Variants in SYT9 observed in about 807,000 individuals in gnomAD.
The protein encoded by SYT9 is synaptotagmin-9.
SYT9 carries 22 observed loss-of-function variants against 48.4 expected under a neutral mutation model. That is an observed-to-expected ratio of 0.45 (90% confidence interval 0.32 to 0.65). The LOEUF (loss-of-function observed/expected upper bound fraction) is 0.65. Among genes scored for constraint, SYT9 ranks in the 30% least tolerant of loss-of-function variants. The pLI is 0.03. For missense variants in SYT9, 577 were observed against 622.0 expected, an observed-to-expected ratio of 0.93 and a Z score of 0.77; for synonymous variants, 265 against 245.0, an observed-to-expected ratio of 1.08 and a Z score of -0.76.
intron 1 of SYT9, among the ~76,000 whole-genome samples, chr11:7,253,962 C>T (rs1328520410): frequency 6.6e-6 from 1 of 152,188 alleles, no homozygotes; most frequent in Non-Finnish European, 1.5e-5. Context: ...CCCACATAAG[C>T]AGTTGTCTTT....
At chr11:7,274,757 CT>C (rs1243216854) in intron 1 of SYT9, among the ~76,000 whole-genome samples, 1 of 152,170 alleles carries the variant, frequency 6.6e-6, no homozygotes, top group African/African-American at 2.4e-5. Context: ...TCAGCTTGAA[CT>C]TTTGGAACTG....
chr11:7,370,794 TC>T (rs1164102208), intron 3 of SYT9, among the ~76,000 whole-genome samples: 2 of 152,174 alleles, frequency 1.3e-5, no homozygotes, highest in Non-Finnish European at 2.9e-5. Context: ...ACAGACATTA[TC>T]TTACAATAAG....
intron 3 of SYT9, among the ~76,000 whole-genome samples, chr11:7,362,390 C>T (rs1205396713): frequency 6.6e-6 from 1 of 152,218 alleles, no homozygotes; most frequent in South Asian, 2.1e-4. Flanking sequence ...CTGCATTGGC[C>T]TCCCAAAGGG....
chr11:7,258,990 G>A (rs1444349008), intron 1 of SYT9, among the ~76,000 whole-genome samples: 1 of 151,952 alleles, frequency 6.6e-6, no homozygotes, highest in African/African-American at 2.4e-5. Flanking sequence ...TGGGTTACTA[G>A]TTACCCAGAT....
At chr11:7,375,806 G>A (rs1850442092) in intron 3 of SYT9, among the ~76,000 whole-genome samples, 1 of 152,062 alleles carries the variant, frequency 6.6e-6, no homozygotes, top group South Asian at 2.1e-4. Context: ...AGCTTAAGGA[G>A]TTTTGGGGCT....
chr11:7,333,601 A>C (rs1849581118), intron 3 of SYT9, among the ~76,000 whole-genome samples: 1 of 152,148 alleles, frequency 6.6e-6, no homozygotes, highest in South Asian at 2.1e-4. Flanking sequence ...ATGTAAAGAT[A>C]CTCCTCTATT....
At chr11:7,429,571 C>G (rs1847527278) in intron 6 of SYT9, among the ~76,000 whole-genome samples, 2 of 152,138 alleles carry the variant, frequency 1.3e-5, no homozygotes, top group African/African-American at 4.8e-5. Flanking sequence ...CAATATTAAG[C>G]AGAATTTATT....
intron 1 of SYT9, among the ~76,000 whole-genome samples, chr11:7,294,109 G>A (rs1435836570): frequency 6.6e-6 from 1 of 152,126 alleles, no homozygotes; most frequent in Non-Finnish European, 1.5e-5. Context: ...AGGAGTGAGG[G>A]AACTCTCTTA....
At chr11:7,297,079 T>A (rs1848825067) in intron 1 of SYT9, among the ~76,000 whole-genome samples, 1 of 148,438 alleles carries the variant, frequency 6.7e-6, no homozygotes, top group African/African-American at 2.5e-5. Context: ...TGTGTGTGTG[T>A]GTGTGTGAGA....
At chr11:7,367,098 TC>T (rs1564878507) in intron 3 of SYT9, among the ~76,000 whole-genome samples, 3 of 112,992 alleles carry the variant, frequency 2.7e-5, no homozygotes, top group Non-Finnish European at 3.6e-5. Context: ...TTTTTTTTTT[TC>T]GAGACGGAGC....
chr11:7,322,185 G>A (rs1237430969), intron 3 of SYT9, among the ~76,000 whole-genome samples: 1 of 152,132 alleles, frequency 6.6e-6, no homozygotes, highest in African/African-American at 2.4e-5. Context: ...TTGCCAATGT[G>A]ACATCACTGA....
At chr11:7,375,850 A>G (rs747607544) in intron 3 of SYT9, among the ~76,000 whole-genome samples, 9 of 151,938 alleles carry the variant, frequency 5.9e-5, no homozygotes. Context: ...TAGCCACACT[A>G]GCCTCCATGC....
chr11:7,377,883 G>A (rs1850484774), intron 3 of SYT9, among the ~76,000 whole-genome samples: 1 of 152,136 alleles, frequency 6.6e-6, no homozygotes, highest in South Asian at 2.1e-4. Flanking sequence ...AGCTATGTGA[G>A]CTTGGACAAG....
intron 1 of SYT9, among the ~76,000 whole-genome samples, chr11:7,255,252 A>G (rs1394059535): frequency 2.0e-5 from 3 of 152,232 alleles, no homozygotes; most frequent in Non-Finnish European, 2.9e-5. Context: ...CTGAAGTGGT[A>G]GCATTATTGA....
At chr11:7,402,527 C>G (rs981292107) in intron 3 of SYT9, among the ~76,000 whole-genome samples, 2 of 152,088 alleles carry the variant, frequency 1.3e-5, no homozygotes, top group Non-Finnish European at 1.5e-5. Flanking sequence ...TAGATGCATA[C>G]ACATTTATAA....
At chr11:7,434,596 G>T (rs1337890872) in intron 6 of SYT9, among the ~76,000 whole-genome samples, 3 of 152,114 alleles carry the variant, frequency 2.0e-5, no homozygotes, top group Non-Finnish European at 2.9e-5. Flanking sequence ...CCAAGGCCCC[G>T]TGGCTATGGA....
At chr11:7,319,167 T>TTC (rs66901470) in intron 3 of SYT9, among the ~76,000 whole-genome samples, 3 of 4,654 alleles carry the variant, frequency 6.4e-4, no homozygotes, top group Non-Finnish European at 1.7e-3. Flanking sequence ...CTATTTCTTC[T>TTC]TTTTTTTTTT....
intron 6 of SYT9, chr11:7,439,209 G>A (rs1408451983): frequency 6.6e-6 from 1 of 152,248 alleles, no homozygotes; most frequent in East Asian, 1.9e-4. Flanking sequence ...TAGGGGCATG[G>A]AGGCATGCAC....
chr11:7,272,019 T>TTA (rs1848306843), intron 1 of SYT9, among the ~76,000 whole-genome samples: 1 of 152,204 alleles, frequency 6.6e-6, no homozygotes. Context: ...TGTTCTACAT[T>TTA]TAAATACTTC....
Sources: gnomAD v4.1 joint callset for allele counts (sites outside exome capture counted in the v4.1 genomes callset) on GRCh38, gnomAD v4.1.1 for gene constraint, MANE v1.5 for transcripts, NCBI Gene and HGNC (gene_info 2026-07-23, HGNC 2026-07-21) for gene names.